Variants in TCF24 observed in about 807,000 individuals in gnomAD.
TCF24 encodes the protein transcription factor 24.
Under a neutral mutation model 9.3 loss-of-function variants are expected in TCF24, and 5 were observed. The observed-to-expected ratio is 0.54, with a 90% CI of 0.28 to 1.13. TCF24 has a LOEUF of 1.13. Ranked by LOEUF, TCF24 falls within the 50% of genes most tolerant of loss-of-function variation. The pLI is 0.09. For missense variants in TCF24, 220 were observed against 236.1 expected (o/e 0.93, Z 0.45); for synonymous variants, 110 against 115.8 (o/e 0.95, Z 0.32).
intron 3 of TCF24, among the ~76,000 whole-genome samples, chr8:66,959,267 T>A (rs750098477): frequency 4.6e-5 from 7 of 152,224 alleles, no homozygotes; most frequent in Non-Finnish European, 8.8e-5. Flanking sequence ...AAAGCTTTGA[T>A]CATCAGGGTA....
In TCF24 at chr8:66,961,988, C is replaced by G. The variant is rs924867562; in HGVS notation, c.-134-1G>C. ...CGGAACTCCGGAGTTCTTGGGCTTC[C>G]TAGAAGGATAAGAAGAGGCGCAGTG... On this transcript the variant is annotated splice_acceptor_variant, in intron 1 of 3. Coordinates refer to ENST00000563496, the MANE Select transcript of TCF24 (RefSeq NM_001193502.2). LOFTEE classifies it low-confidence loss of function (5UTR_SPLICE). The G allele has an allele frequency of 2.0e-5, 4 of 202,686 alleles. No individual in the cohort carries two copies. The highest frequency in any genetic ancestry group is 9.4e-5 in the African/African-American group (4 of 42,556). 12.6% of individuals were successfully genotyped at this position (202,686 alleles called of 1,614,324 possible). A position where few individuals can be genotyped will look rare whatever the true frequency, so the allele number is the denominator to read the frequency against.
At chr8:66,955,454 TA>T in intron 3 of TCF24, among the ~76,000 whole-genome samples, 1 of 152,040 alleles carries the variant, frequency 6.6e-6, no homozygotes, top group Non-Finnish European at 1.5e-5. Context: ...AGTGCTGCCT[TA>T]TGTAAGCAGG....
rs1814276804 is a variant in TCF24 at position 66,962,417 on chromosome 8, G to A, written c.-223C>T. ...GGGCCTGTGTGGCCAGGGCCGCGCT[G>A]GTCACTCCATCCTCGTCCGGCCGAT... On this transcript the variant is annotated 5_prime_UTR_variant, in exon 1 of 4. Transcript: ENST00000563496. 6.6e-6 allele frequency: 1 copy of A among 152,438 alleles called. No homozygotes were observed. The highest frequency in any genetic ancestry group is 6.5e-5 in the Admixed American group (1 of 15,284). 9.4% of individuals were successfully genotyped at this position (152,438 alleles called of 1,614,324 possible). A position where few individuals can be genotyped will look rare whatever the true frequency, so the allele number is the denominator to read the frequency against.
intron 3 of TCF24, among the ~76,000 whole-genome samples, chr8:66,950,222 G>A (rs201285591): frequency 0.078 from 11,731 of 149,988 alleles, 765 homozygotes; most frequent in African/African-American, 0.2. Flanking sequence ...TTTTCTTCTC[G>A]GGTTTTTATG....
chr8:66,962,145 G>A (rs1269397398), intron 1 of TCF24, among the ~76,000 whole-genome samples, 158 bp from the exon 2 acceptor site: 3 of 152,256 alleles, frequency 2.0e-5, no homozygotes, highest in African/African-American at 7.2e-5. Context: ...ACGCACGAGA[G>A]GTGGCGCGGC....
chr8:66,950,110 A>T (rs1261453836), intron 3 of TCF24, among the ~76,000 whole-genome samples: 1 of 129,962 alleles, frequency 7.7e-6, no homozygotes, highest in African/African-American at 2.9e-5. Context: ...CTTTAGTTTA[A>T]TTAGATCCCA....
In TCF24 at chr8:66,946,591, G is replaced by A. The variant is rs1239950738; in HGVS notation, c.*1460C>T. ...TAAAAGAGCATGCTCTTTTGAATCT[G>A]AGTGAAAATATGCAATTTCTCCTCT... On this transcript the variant is annotated 3_prime_UTR_variant, in exon 4 of 4. Coordinates refer to ENST00000563496, the MANE Select transcript of TCF24 (RefSeq NM_001193502.2). 1 of 152,072 alleles carries A rather than the reference G, an allele frequency of 6.6e-6. No homozygotes were observed. The highest frequency in any genetic ancestry group is 2.4e-5 in the African/African-American group (1 of 41,396). 9.4% of individuals were successfully genotyped at this position (152,072 alleles called of 1,614,324 possible). A position where few individuals can be genotyped will look rare whatever the true frequency, so the allele number is the denominator to read the frequency against.
At chr8:66,957,040 G>A (rs991326729) in intron 3 of TCF24, among the ~76,000 whole-genome samples, 14 of 148,342 alleles carry the variant, frequency 9.4e-5, no homozygotes, top group African/African-American at 3.5e-4. Flanking sequence ...TTCAACCCAG[G>A]AGGCGGAGGT....
At chr8:66,948,653 A>ATCT (rs1563404669) in intron 3 of TCF24, among the ~76,000 whole-genome samples, 27 of 143,784 alleles carry the variant, frequency 1.9e-4, no homozygotes, top group African/African-American at 6.7e-4. Flanking sequence ...GAAAAGTGTC[A>ATCT]ACTATCTATC....
intron 3 of TCF24, among the ~76,000 whole-genome samples, chr8:66,959,896 CTTA>C (rs1297913555): frequency 6.6e-6 from 1 of 152,092 alleles, no homozygotes; most frequent in East Asian, 1.9e-4. Context: ...GCTTGCTATG[CTTA>C]TTATTACATG....
Position 66,947,426 on chromosome 8 carries a change from T to C in TCF24, c.*625A>G, listed in dbSNP as rs1251158245. The C allele has an allele frequency of 6.6e-6, 1 of 152,234 alleles. No homozygotes were observed. Among genetic ancestry groups the C allele is most frequent in the Non-Finnish European group, 1.5e-5 (1 of 68,080 alleles). The allele number at this position is 152,234 out of a possible 1,614,324, so 9.4% of individuals were successfully genotyped here. ...CACACTGGACTGCAGGGATTCCCAG[T>C]GCCTTCCACAAGTTGCAAACACTGT... On this transcript the variant is annotated 3_prime_UTR_variant, in exon 4 of 4. Coordinates refer to ENST00000563496, the MANE Select transcript of TCF24 (RefSeq NM_001193502.2).
At chr8:66,961,120 G>A (rs1814244241) in intron 3 of TCF24, among the ~76,000 whole-genome samples, 1 of 152,210 alleles carries the variant, frequency 6.6e-6, no homozygotes, top group South Asian at 2.1e-4. Context: ...GAGGCATCCT[G>A]TAAGAGGCTT....
rs1813989702 is a variant in TCF24, at chr8:66,948,042, G to C, written c.*9C>G. On this transcript the variant is annotated 3_prime_UTR_variant, in exon 4 of 4. Coordinates refer to ENST00000563496, the MANE Select transcript of TCF24 (RefSeq NM_001193502.2). The stretch of plus-strand genomic sequence containing the variant: ...CCACCACTTCTACCAGCCCCCACCA[G>C]GGGAGAGCCTAAGGCTGTGAGTCTG... 1 of 1,513,842 alleles carries C rather than the reference G, an allele frequency of 6.6e-7. No homozygotes were observed. The highest frequency in any genetic ancestry group is 1.4e-5 in the African/African-American group (1 of 72,342). The allele number at this position is 1,513,842 out of a possible 1,614,324, so 93.8% of individuals were successfully genotyped here.
Position 66,948,033 on chromosome 8 carries a change from C to T in TCF24, c.*18G>A. 6.8e-7 allele frequency: 1 copy of T among 1,479,898 alleles called. No homozygotes were observed. The highest frequency in any genetic ancestry group is 9.0e-7 in the Non-Finnish European group (1 of 1,112,812). 91.7% of individuals were successfully genotyped at this position (1,479,898 alleles called of 1,614,324 possible). A position where few individuals can be genotyped will look rare whatever the true frequency, so the allele number is the denominator to read the frequency against. ...AAACAATAGCCACCACTTCTACCAG[C>T]CCCCACCAGGGGAGAGCCTAAGGCT... On this transcript the variant is annotated 3_prime_UTR_variant, in exon 4 of 4. Coordinates refer to ENST00000563496, the MANE Select transcript of TCF24 (RefSeq NM_001193502.2).
intron 3 of TCF24, among the ~76,000 whole-genome samples, chr8:66,948,887 G>C (rs1814009859): frequency 6.6e-6 from 1 of 151,972 alleles, no homozygotes; most frequent in South Asian, 2.1e-4. Context: ...GTAGAGACAG[G>C]GTATTACCAC....
At chr8:66,954,763 C>T (rs1814125425) in intron 3 of TCF24, among the ~76,000 whole-genome samples, 1 of 152,272 alleles carries the variant, frequency 6.6e-6, no homozygotes, top group Non-Finnish European at 1.5e-5. Context: ...GGGCGTAGGA[C>T]CCTCCGAGCC....
intron 3 of TCF24, among the ~76,000 whole-genome samples, chr8:66,952,792 A>C (rs1814079569): frequency 1.3e-5 from 2 of 151,798 alleles, no homozygotes; most frequent in South Asian, 4.2e-4. Flanking sequence ...TATTGGGCGC[A>C]TATATATTTA....
At chr8:66,953,905 G>A (rs927451857) in intron 3 of TCF24, among the ~76,000 whole-genome samples, 7 of 151,536 alleles carry the variant, frequency 4.6e-5, no homozygotes, top group Non-Finnish European at 8.8e-5. Context: ...TGAGGCTTCT[G>A]CATTCTTCAC....
chr8:66,953,556 A>G (rs1048564018), intron 3 of TCF24, among the ~76,000 whole-genome samples: 143 of 150,072 alleles, frequency 9.5e-4, no homozygotes, highest in African/African-American at 3.4e-3. Flanking sequence ...ACTTTGGTGA[A>G]TCTGACAATT....
Sources: allele counts gnomAD v4.1 joint callset (sites outside exome capture counted in the v4.1 genomes callset), GRCh38; gene constraint gnomAD v4.1.1; transcripts MANE v1.5; gene names NCBI Gene and HGNC (gene_info 2026-07-23, HGNC 2026-07-21).